Variants in NRG1 observed in about 807,000 individuals in gnomAD.
NRG1 encodes the protein pro-neuregulin-1, membrane-bound isoform.
Under a neutral mutation model 63.8 loss-of-function variants are expected in NRG1, and 18 were observed. The observed-to-expected ratio is 0.28, with a 90% CI of 0.19 to 0.42. NRG1 has a LOEUF of 0.42. Among genes scored for constraint, NRG1 ranks in the 10% least tolerant of loss-of-function variants. The probability of loss-of-function intolerance (pLI) is 1.00; values close to 1 mark genes in which losing one functional copy is unlikely to be tolerated. For missense variants in NRG1, 762 were observed against 814.7 expected (o/e 0.94, Z 0.79); for synonymous variants, 302 against 301.3 (o/e 1.00, Z -0.02).
chr8:32,277,145 T>G (rs1852195758), intron 1 of NRG1, among the ~76,000 whole-genome samples: 1 of 152,246 alleles, frequency 6.6e-6, no homozygotes, highest in Non-Finnish European at 1.5e-5. Context: ...GCCATTGTAA[T>G]GTATGCATGC....
At chr8:31,776,752 T>C (rs370299764) in intron 1 of NRG1, among the ~76,000 whole-genome samples, 31 of 152,164 alleles carry the variant, frequency 2.0e-4, no homozygotes, top group African/African-American at 5.8e-4. Flanking sequence ...TGTGCTCTCA[T>C]TGTTCAATTC....
At chr8:32,335,988 C>CCACACA (rs369664055) in intron 1 of NRG1, among the ~76,000 whole-genome samples, 1 of 150,548 alleles carries the variant, frequency 6.6e-6, no homozygotes, top group Non-Finnish European at 1.5e-5. Context: ...CTCCACCCAC[C>CCACACA]CACACACACA....
intron 1 of NRG1, among the ~76,000 whole-genome samples, chr8:32,480,574 C>T (rs774602918): frequency 3.9e-5 from 6 of 151,994 alleles, no homozygotes; most frequent in Admixed American, 6.6e-5. Flanking sequence ...TGTGTTAGTC[C>T]GTTTTTGCGT....
intron 1 of NRG1, among the ~76,000 whole-genome samples, chr8:32,001,231 T>C (rs1249274174): frequency 6.6e-6 from 1 of 152,068 alleles, no homozygotes; most frequent in Non-Finnish European, 1.5e-5. Flanking sequence ...CCACATATCA[T>C]GGGAGGGACC....
At chr8:31,969,174 T>G (rs1054827059) in intron 1 of NRG1, among the ~76,000 whole-genome samples, 1 of 152,214 alleles carries the variant, frequency 6.6e-6, no homozygotes, top group African/African-American at 2.4e-5. Flanking sequence ...TACTTTCAGT[T>G]TATTTTACTT....
intron 1 of NRG1, among the ~76,000 whole-genome samples, chr8:31,867,625 C>G (rs1829081423): frequency 6.6e-6 from 1 of 152,026 alleles, no homozygotes; most frequent in Non-Finnish European, 1.5e-5. Flanking sequence ...ATAAAGATAC[C>G]TGAGTTGGGA....
chr8:31,849,002 G>T (rs1025439007), intron 1 of NRG1, among the ~76,000 whole-genome samples: 7 of 152,162 alleles, frequency 4.6e-5, no homozygotes, highest in Non-Finnish European at 4.4e-5. Context: ...ATGCCAAAAA[G>T]TTGGGGATTG....
chr8:31,831,431 T>A (rs4389889), intron 1 of NRG1, among the ~76,000 whole-genome samples: 29,968 of 152,104 alleles, frequency 0.2, 4,107 homozygotes, highest in East Asian at 0.68. Context: ...TTTGAGATTT[T>A]TTTTGGAAAT....
At chr8:32,092,977 G>A (rs887565531) in intron 1 of NRG1, among the ~76,000 whole-genome samples, 1 of 152,142 alleles carries the variant, frequency 6.6e-6, no homozygotes, top group Non-Finnish European at 1.5e-5. Flanking sequence ...ACGTATCTTG[G>A]CCAGTAACCA....
chr8:32,748,334 C>CGT (rs1564097984), intron 7 of NRG1, among the ~76,000 whole-genome samples: 3 of 76,360 alleles, frequency 3.9e-5, no homozygotes, highest in African/African-American at 1.2e-4. Context: ...TACACGCGCG[C>CGT]GCGCGCACAC....
intron 5 of NRG1, among the ~76,000 whole-genome samples, chr8:32,666,389 C>T (rs1442526782): frequency 2.0e-5 from 3 of 152,110 alleles, no homozygotes; most frequent in Non-Finnish European, 4.4e-5. Context: ...AAAAACCCTT[C>T]TGGAAACTGT....
At chr8:32,666,119 A>G (rs1804096378) in intron 5 of NRG1, among the ~76,000 whole-genome samples, 3 of 152,224 alleles carry the variant, frequency 2.0e-5, no homozygotes, top group Non-Finnish European at 4.4e-5. Context: ...CGTCCAAAGC[A>G]GTAGTTTAAA....
chr8:32,730,325 C>A (rs1823318290), intron 6 of NRG1, among the ~76,000 whole-genome samples: 1 of 152,026 alleles, frequency 6.6e-6, no homozygotes, highest in South Asian at 2.1e-4. Context: ...TGGTGGCATG[C>A]ACCTGTAGTC....
chr8:32,173,319 C>T (rs1840291723), intron 1 of NRG1, among the ~76,000 whole-genome samples: 1 of 152,058 alleles, frequency 6.6e-6, no homozygotes, highest in Non-Finnish European at 1.5e-5. Context: ...CAGGCCTGCC[C>T]TAAAAGAGCT....
chr8:31,945,270 A>C (rs981936272), intron 1 of NRG1, among the ~76,000 whole-genome samples: 3 of 151,718 alleles, frequency 2.0e-5, no homozygotes, highest in Non-Finnish European at 4.4e-5. Flanking sequence ...GTTCTTTTTC[A>C]CTCTGATGCT....
chr8:31,914,254 C>T (rs1833187219), intron 1 of NRG1, among the ~76,000 whole-genome samples: 1 of 151,694 alleles, frequency 6.6e-6, no homozygotes, highest in Admixed American at 6.6e-5. Context: ...TGCCTTAAAA[C>T]GCAAAGCATC....
At chr8:31,697,827 C>G (rs1810231216) in intron 1 of NRG1, among the ~76,000 whole-genome samples, 2 of 152,032 alleles carry the variant, frequency 1.3e-5, no homozygotes, top group African/African-American at 4.8e-5. Context: ...TGGAGAAATA[C>G]AAGACTTGTA....
chr8:32,643,170 G>T (rs1299578957), intron 5 of NRG1, among the ~76,000 whole-genome samples: 3 of 152,106 alleles, frequency 2.0e-5, no homozygotes, highest in Non-Finnish European at 2.9e-5. Flanking sequence ...ATCCAGGTTG[G>T]CATACTAGCA....
At chr8:31,822,320 C>A (rs1824082928) in intron 1 of NRG1, among the ~76,000 whole-genome samples, 1 of 152,092 alleles carries the variant, frequency 6.6e-6, no homozygotes, top group Non-Finnish European at 1.5e-5. Context: ...TGGATGCTCA[C>A]ATTTTTTTTT....
Sources: gnomAD v4.1 joint callset for allele counts (sites outside exome capture counted in the v4.1 genomes callset) on GRCh38, gnomAD v4.1.1 for gene constraint, MANE v1.5 for transcripts, NCBI Gene and HGNC (gene_info 2026-07-23, HGNC 2026-07-21) for gene names.